Variants in NTN4 observed in about 807,000 individuals in gnomAD.
The protein encoded by NTN4 is netrin-4.
A neutral mutation model predicts 73.6 loss-of-function variants in NTN4; 32 were observed. That is an observed-to-expected ratio of 0.44 (90% CI 0.33 to 0.58). The LOEUF is 0.58. Ranked by LOEUF, NTN4 falls within the 20% of genes least tolerant of loss-of-function variation. The pLI is 0.04. For synonymous variants in NTN4, 258 were observed against 287.5 expected, an observed-to-expected ratio of 0.90 and a Z score of 1.04; for missense variants, 654 against 798.3, an observed-to-expected ratio of 0.82 and a Z score of 2.18.
At chr12:95,770,992 G>GTTTTTCTTTTTTT (rs2079053901) in intron 2 of NTN4, among the ~76,000 whole-genome samples, 1 of 70,798 alleles carries the variant, frequency 1.4e-5, no homozygotes, top group Non-Finnish European at 3.4e-5. Flanking sequence ...AAAAGAATTT[G>GTTTTTCTTTTTTT]TTTTTTTTTT....
chr12:95,784,104 A>G (rs961660620), intron 2 of NTN4, among the ~76,000 whole-genome samples: 6 of 152,272 alleles, frequency 3.9e-5, no homozygotes, highest in Non-Finnish European at 8.8e-5. Context: ...CAAATAAGCC[A>G]TAAATGAAAT....
intron 3 of NTN4, among the ~76,000 whole-genome samples, chr12:95,727,916 T>C (rs2078707180): frequency 6.6e-6 from 1 of 152,226 alleles, no homozygotes; most frequent in Non-Finnish European, 1.5e-5. Context: ...TATTAAGCCT[T>C]CTAATTAATG....
Position 95,683,634 on chromosome 12 carries a change from A to G in NTN4, c.1258T>C (p.Cys420Arg), listed in dbSNP as rs780732423. Residue 420 changes from cysteine to arginine, a missense_variant, in exon 6 of 10, where the codon TGC (cysteine) becomes CGC (arginine). Cys to Arg is a radical substitution (Grantham distance 180). Coordinates refer to ENST00000343702, the MANE Select transcript of NTN4 (RefSeq NM_021229.4). ...CCTGCCACCCCAGGCTTGCAAGGGC[A>G]GTCACCATTGCTGGGGTCGCAGAAG... ...VTFCDPSNGD[C>R]PCKPGVAGRR... The G allele has an allele frequency of 4.3e-6, 7 of 1,614,114 alleles. No individual in the cohort carries two copies. Among genetic ancestry groups the G allele is most frequent in the Non-Finnish European group, 4.2e-6 (5 of 1,179,978 alleles).
At chr12:95,753,831 T>C (rs2078927877) in intron 2 of NTN4, among the ~76,000 whole-genome samples, 1 of 152,152 alleles carries the variant, frequency 6.6e-6, no homozygotes, top group Non-Finnish European at 1.5e-5. Flanking sequence ...CGCTCCTTTT[T>C]ATTAGGCCCC....
At chr12:95,761,580 ACCTTGG>A (rs2078988317) in intron 2 of NTN4, among the ~76,000 whole-genome samples, 1 of 151,998 alleles carries the variant, frequency 6.6e-6, no homozygotes, top group Non-Finnish European at 1.5e-5. Context: ...CGATCTGCCC[ACCTTGG>A]CCTCCCAAAG....
At position 95,787,448 on chromosome 12, in the gene NTN4, C is replaced by T; in HGVS notation, c.76G>A (p.Val26Met). 1 of 1,613,946 alleles carries T rather than the reference C, an allele frequency of 6.2e-7. No individual in the cohort carries two copies. The highest frequency in any genetic ancestry group is 1.1e-5 in the South Asian group (1 of 91,044). ...CAGGCTTTTTCACAGCGGGAACTCA[C>T]TCCAGCTACTCCACTCAGTCCTAAG... ...VAAGLSGVAG[V>M]SSRCEKACNP... is the part of the protein sequence containing the mutation. Residue 26 changes from valine (V) to methionine (M), a missense_variant, in exon 2 of 10, where the codon GTG becomes ATG. Transcript: ENST00000343702.
In NTN4 at chr12:95,714,967, T is replaced by C. The variant is rs369958359; in HGVS notation, c.865-1629A>G. On this transcript the variant is annotated intron_variant, in intron 3 of 9. Transcript: ENST00000343702. ...AAACAGCCACACCGATACACTGATA[T>C]ACTACTGCTTGACCTAAGATAACAC... Among the ~76,000 whole-genome samples the C allele has an allele frequency of 5.3e-5, 8 of 152,140 alleles. No individual in the cohort carries two copies. In the East Asian group the frequency reaches 1.3e-3, roughly 26 times the overall value.
chr12:95,697,686 T>C (rs2078452577), intron 5 of NTN4, among the ~76,000 whole-genome samples: 1 of 151,798 alleles, frequency 6.6e-6, no homozygotes, highest in African/African-American at 2.4e-5. Flanking sequence ...GCCTTTAAAA[T>C]ATATATTTTA....
intron 2 of NTN4, among the ~76,000 whole-genome samples, chr12:95,776,630 G>C (rs916140455): frequency 2.6e-5 from 4 of 152,116 alleles, no homozygotes; most frequent in Admixed American, 6.6e-5. Flanking sequence ...TAAAAGAAAC[G>C]AACAAAGCCT....
intron 2 of NTN4, among the ~76,000 whole-genome samples, chr12:95,771,153 C>A (rs971090766): frequency 2.0e-5 from 3 of 151,972 alleles, no homozygotes; most frequent in African/African-American, 7.3e-5. Flanking sequence ...CCACGCCCGG[C>A]TAATTTTTTG....
intron 2 of NTN4, among the ~76,000 whole-genome samples, chr12:95,738,522 T>A (rs2078798844): frequency 6.6e-6 from 1 of 152,036 alleles, no homozygotes; most frequent in South Asian, 2.1e-4. Flanking sequence ...TGGAGACCAG[T>A]GAACAAAGAG....
chr12:95,766,930 G>C (rs1369301491), intron 2 of NTN4, among the ~76,000 whole-genome samples: 1 of 152,136 alleles, frequency 6.6e-6, no homozygotes, highest in Non-Finnish European at 1.5e-5. Flanking sequence ...TAGTACAGCT[G>C]ATTTTTGTAA....
intron 2 of NTN4, among the ~76,000 whole-genome samples, chr12:95,742,105 A>G (rs895413931): frequency 6.6e-6 from 1 of 152,150 alleles, no homozygotes; most frequent in Non-Finnish European, 1.5e-5. Context: ...TTTGTGCCCC[A>G]GTGTAACAGA....
At chr12:95,753,314 G>A (rs2078923974) in intron 2 of NTN4, among the ~76,000 whole-genome samples, 1 of 147,852 alleles carries the variant, frequency 6.8e-6, no homozygotes, top group Admixed American at 6.7e-5. Flanking sequence ...ACTCCTCAGG[G>A]ATTATTCAGG....
At chr12:95,672,676 C>G (rs532184258) in intron 7 of NTN4, 2 of 1,467,790 alleles carry the variant, frequency 1.4e-6, no homozygotes, top group Admixed American at 3.4e-5. Context: ...TCCCACCACC[C>G]TGCTGGAGCC....
chr12:95,743,204 C>T (rs1206415897), intron 2 of NTN4, among the ~76,000 whole-genome samples: 1 of 152,160 alleles, frequency 6.6e-6, no homozygotes, highest in African/African-American at 2.4e-5. Context: ...TGTTCTTTAA[C>T]AGTTCTTAAG....
intron 5 of NTN4, among the ~76,000 whole-genome samples, chr12:95,699,335 T>C (rs1472568595): frequency 6.6e-6 from 1 of 152,224 alleles, no homozygotes; most frequent in Non-Finnish European, 1.5e-5. Context: ...AAGGTGCTTA[T>C]GTTTTCTTAC....
intron 4 of NTN4, 147 bp from the exon 5 acceptor site, chr12:95,710,776 G>A: frequency 1.5e-6 from 1 of 678,122 alleles, no homozygotes; most frequent in South Asian, 2.2e-5. Flanking sequence ...GGCTGAGGCA[G>A]GTGGATCACC....
At chr12:95,686,338 C>T (rs2078360808) in intron 5 of NTN4, among the ~76,000 whole-genome samples, 1 of 152,144 alleles carries the variant, frequency 6.6e-6, no homozygotes. Flanking sequence ...ACATAAAGCA[C>T]TGTGGGAACA....
Sources: gnomAD v4.1 joint callset for allele counts (sites outside exome capture counted in the v4.1 genomes callset) on GRCh38, gnomAD v4.1.1 for gene constraint, MANE v1.5 for transcripts, NCBI Gene and HGNC (gene_info 2026-07-23, HGNC 2026-07-21) for gene names.